Variants in AGT observed in about 807,000 individuals in gnomAD.
The protein encoded by AGT is alpha-1 antiproteinase, antitrypsin.
Under a neutral mutation model 28.1 loss-of-function variants are expected in AGT, and 26 were observed. That is an observed-to-expected ratio of 0.92 (90% CI 0.68 to 1.28). The LOEUF (loss-of-function observed/expected upper bound fraction) is 1.28. AGT is among the 50% of genes most tolerant of loss of function. The pLI is 0.00. For missense variants in AGT, 596 were observed against 592.3 expected (o/e 1.01, Z -0.06); for synonymous variants, 259 against 259.6 (o/e 1.00, Z 0.02).
chr1:230,728,160 G>A (rs1663981183), intron 1 of AGT, among the ~76,000 whole-genome samples: 1 of 152,142 alleles, frequency 6.6e-6, no homozygotes. Context: ...AAGTCACCTG[G>A]TTTCAGAAAT....
intron 1 of AGT, among the ~76,000 whole-genome samples, chr1:230,731,033 A>G (rs982012134): frequency 3.3e-5 from 5 of 152,142 alleles, no homozygotes; most frequent in African/African-American, 1.2e-4. Context: ...ATCACTAATC[A>G]ATGTTATTTC....
At chr1:230,721,827 G>A (rs576817336) in intron 1 of AGT, among the ~76,000 whole-genome samples, 45 of 152,272 alleles carry the variant, frequency 3.0e-4, no homozygotes, top group African/African-American at 1.0e-3. Flanking sequence ...TGTTTAAAAA[G>A]GAAGCAAAGC....
At chr1:230,726,106 G>A (rs749982914) in intron 1 of AGT, among the ~76,000 whole-genome samples, 2 of 152,186 alleles carry the variant, frequency 1.3e-5, no homozygotes, top group African/African-American at 2.4e-5. Context: ...TGGCATCACG[G>A]CAGCCAGAGC....
intron 1 of AGT, among the ~76,000 whole-genome samples, chr1:230,737,632 A>C (rs1414972039): frequency 2.0e-5 from 3 of 152,124 alleles, no homozygotes; most frequent in African/African-American, 7.2e-5. Context: ...TATTATCATT[A>C]TTGCTATCAA....
chr1:230,741,890 T>C lies in AGT; in HGVS notation c.-31+3625A>G, dbSNP rs547671397. 2.1e-4 allele frequency among the ~76,000 whole-genome samples: 32 copies of C among 152,232 alleles called. 1 individual carries two copies. Among genetic ancestry groups the C allele is most frequent in the African/African-American group, 4.8e-4 (20 of 41,534 alleles). ...GGCTTTAAGTTTCAAACTAGGCTTT[T>C]AAAAGTCGACAACAGTTAAGGCTAG... On this transcript the variant is annotated intron_variant, in intron 1 of 4. Coordinates refer to the AGT transcript ENST00000681269.
chr1:230,703,490 C>T (rs895513639), intron 4 of AGT, among the ~76,000 whole-genome samples, 161 bp from the exon 5 acceptor site: 3 of 152,144 alleles, frequency 2.0e-5, no homozygotes, highest in Non-Finnish European at 4.4e-5. Flanking sequence ...GTATGCCTGC[C>T]CCTCAGTGTA....
intron 3 of AGT, 118 bp from the exon 4 acceptor site, chr1:230,704,455 C>T: frequency 7.5e-7 from 1 of 1,335,498 alleles, no homozygotes. Flanking sequence ...TTTGCTCCCC[C>T]CATCACCCAA....
In AGT at chr1:230,703,250, T is replaced by G. The variant is rs759472175; in HGVS notation, c.1322A>C (p.Glu441Ala). 4 of 1,614,066 alleles carry G rather than the reference T, an allele frequency of 2.5e-6. No homozygotes were observed. The African/African-American group carries it at 5.3e-5, about 22-fold the overall frequency. ...TESTQQLNKP[E>A]VLEVTLNRPF... ...GCGGTTCAGGGTCACCTCCAAGACCTCAGGCTTGTTAAGCTGTTGGGTAGA... is the reference window on the plus strand; with the variant it reads ...GCGGTTCAGGGTCACCTCCAAGACCGCAGGCTTGTTAAGCTGTTGGGTAGA... Residue 441 changes from glutamate to alanine, a missense_variant, in exon 5 of 5, where the codon GAG (glutamate) becomes GCG (alanine). Transcript: ENST00000366667.
At chr1:230,707,403 G>T (rs553604344) in intron 2 of AGT, among the ~76,000 whole-genome samples, 1 of 152,312 alleles carries the variant, frequency 6.6e-6, no homozygotes, top group East Asian at 1.9e-4. Context: ...AGTAGAGATG[G>T]TTCAGAAACA....
chr1:230,739,577 T>G (rs1157977239), intron 1 of AGT, among the ~76,000 whole-genome samples: 1 of 152,076 alleles, frequency 6.6e-6, no homozygotes, highest in Admixed American at 6.5e-5. Flanking sequence ...CGGGAAATGT[T>G]GGAGCCAGGC....
In AGT at chr1:230,704,289, G is replaced by T; in HGVS notation, c.1146C>A (p.Asp382Glu). 1 of 1,614,228 alleles carries T rather than the reference G, an allele frequency of 6.2e-7. No individual in the cohort carries two copies. The highest frequency in any genetic ancestry group is 1.7e-5 in the Admixed American group (1 of 60,034). ...MPQLVLQGSY[D>E]LQDLLAQAEL... Reference sequence around the variant, plus strand: ...CAGCCTGGGCGAGCAGGTCCTGCAGGTCATAAGATCCTTGCAGCACCAGTT... The same window carrying T: ...CAGCCTGGGCGAGCAGGTCCTGCAGTTCATAAGATCCTTGCAGCACCAGTT... The change falls in exon 4 of 5, where the codon GAC (aspartate) becomes GAA (glutamate). Residue 382 changes from aspartate (D) to glutamate (E), a missense_variant. Coordinates refer to ENST00000366667, the MANE Select transcript of AGT (RefSeq NM_001384479.1).
upstream of AGT, among the ~76,000 whole-genome samples, chr1:230,714,555 G>C (rs1396719827): frequency 2.0e-5 from 3 of 152,136 alleles, no homozygotes; most frequent in Non-Finnish European, 4.4e-5. Context: ...AGGCAACACG[G>C]GGGCCACTTC....
intron 1 of AGT, among the ~76,000 whole-genome samples, chr1:230,723,005 C>A (rs4847005): frequency 0.16 from 24,676 of 151,882 alleles, 2,643 homozygotes; most frequent in East Asian, 0.49. Context: ...TTGTAATCCC[C>A]ACCTGTCAAG....
At chr1:230,731,915 A>G (rs147017427) in intron 1 of AGT, among the ~76,000 whole-genome samples, 1 of 152,066 alleles carries the variant, frequency 6.6e-6, no homozygotes, top group Non-Finnish European at 1.5e-5. Context: ...CAGAAACTCA[A>G]AGCTTCCTAA....
chr1:230,709,831 T>C (rs1663517661), intron 2 of AGT, among the ~76,000 whole-genome samples, 164 bp downstream of exon 2: 1 of 152,184 alleles, frequency 6.6e-6, no homozygotes, highest in African/African-American at 2.4e-5. Flanking sequence ...GGACGGCCCA[T>C]CCAGGGACCC....
intron 1 of AGT, among the ~76,000 whole-genome samples, chr1:230,734,537 T>G (rs1664121547): frequency 6.6e-6 from 1 of 152,172 alleles, no homozygotes; most frequent in South Asian, 2.1e-4. Context: ...TGGTTAAGGT[T>G]GTAAATTTTA....
chr1:230,732,866 AG>A (rs1664091738), intron 1 of AGT, among the ~76,000 whole-genome samples: 1 of 152,192 alleles, frequency 6.6e-6, no homozygotes, highest in Non-Finnish European at 1.5e-5. Context: ...CACATAGTTC[AG>A]ATCTGTGTTG....
upstream of AGT, among the ~76,000 whole-genome samples, chr1:230,716,513 C>G (rs1296114422): frequency 6.6e-6 from 1 of 152,200 alleles, no homozygotes; most frequent in Non-Finnish European, 1.5e-5. Context: ...CCCATAATTC[C>G]CATGTGTCAT....
intron 1 of AGT, among the ~76,000 whole-genome samples, chr1:230,734,013 A>G (rs1323198616): frequency 6.6e-6 from 1 of 152,148 alleles, no homozygotes; most frequent in Non-Finnish European, 1.5e-5. Flanking sequence ...CTTCTCACTT[A>G]GGTTGGCACA....
Sources: gnomAD v4.1 joint callset for allele counts (sites outside exome capture counted in the v4.1 genomes callset) on GRCh38, gnomAD v4.1.1 for gene constraint, MANE v1.5 for transcripts, NCBI Gene and HGNC (gene_info 2026-07-23, HGNC 2026-07-21) for gene names.